PTPRK: variants seen among roughly 807,000 people sequenced by gnomAD.
The protein encoded by PTPRK is protein tyrosine phosphatase receptor type K.
In PTPRK, 75 loss-of-function variants were observed where a neutral mutation model predicts 178.0. That is an observed-to-expected ratio of 0.42 (90% CI 0.35 to 0.51). PTPRK has a LOEUF of 0.51. Among genes scored for constraint, PTPRK ranks in the 20% least tolerant of loss-of-function variants. The pLI is 0.02. For synonymous variants in PTPRK, 637 were observed against 620.6 expected, an observed-to-expected ratio of 1.03 and a Z score of -0.39; for missense variants, 1,441 against 1,797.8, an observed-to-expected ratio of 0.80 and a Z score of 3.59.
At chr6:128,259,425 A>G (rs535526985) in intron 3 of PTPRK, among the ~76,000 whole-genome samples, 1 of 152,308 alleles carries the variant, frequency 6.6e-6, no homozygotes, top group Admixed American at 6.5e-5. Context: ...AACATTATGT[A>G]TTATGATTCC....
chr6:128,048,177 C>T (rs1438960260), intron 13 of PTPRK, among the ~76,000 whole-genome samples: 3 of 152,110 alleles, frequency 2.0e-5, no homozygotes, highest in African/African-American at 7.2e-5. Context: ...TTGCTTAGAC[C>T]AGTTGTTGAC....
At chr6:128,458,672 G>A (rs1848678194) in intron 1 of PTPRK, among the ~76,000 whole-genome samples, 1 of 152,156 alleles carries the variant, frequency 6.6e-6, no homozygotes, top group Non-Finnish European at 1.5e-5. Flanking sequence ...ACTACACAAT[G>A]TATATATGAA....
chr6:128,298,749 C>A, intron 3 of PTPRK, among the ~76,000 whole-genome samples: 1 of 151,990 alleles, frequency 6.6e-6, no homozygotes, highest in Non-Finnish European at 1.5e-5. Context: ...TATGACAAAC[C>A]CACAGCCAAT....
chr6:128,297,237 G>C (rs1423729697), intron 3 of PTPRK, among the ~76,000 whole-genome samples: 2 of 152,010 alleles, frequency 1.3e-5, no homozygotes, highest in Non-Finnish European at 2.9e-5. Context: ...AGTCCTGAGT[G>C]ACCTACAAAG....
At chr6:128,043,354 C>T (rs1777505242) in intron 13 of PTPRK, among the ~76,000 whole-genome samples, 1 of 152,040 alleles carries the variant, frequency 6.6e-6, no homozygotes, top group Non-Finnish European at 1.5e-5. Flanking sequence ...ACTGTCTGTA[C>T]TGCCTCAGAA....
chr6:127,998,729 C>A lies in PTPRK; in HGVS notation c.2670G>T (p.Glu890Asp). The A allele has an allele frequency of 6.4e-7, 1 of 1,572,674 alleles. No individual in the cohort carries two copies. The highest frequency in any genetic ancestry group is 1.2e-5 in the South Asian group (1 of 86,098). ...ATCAAAACTTATTCACCTCATATTC[C>A]TCTTTGAACCCATAGCTGTCTGATG... Reference protein sequence around the residue: ...MKTSDSYGFKEEYESFFEGQS... With the variant: ...MKTSDSYGFKDEYESFFEGQS... Residue 890 changes from glutamate to aspartate, a missense_variant, in exon 16 of 30, where the codon GAG becomes GAT. Coordinates refer to ENST00000368226, the MANE Select transcript of PTPRK (RefSeq NM_002844.4).
intron 1 of PTPRK, chr6:128,491,875 T>G (rs538020992): frequency 2.0e-6 from 1 of 491,956 alleles, no homozygotes; most frequent in South Asian, 1.5e-5. Flanking sequence ...GCTTGGTAAC[T>G]AACAGGCTAA....
At chr6:128,162,126 C>T (rs1454895324) in intron 7 of PTPRK, among the ~76,000 whole-genome samples, 1 of 151,592 alleles carries the variant, frequency 6.6e-6, no homozygotes, top group Non-Finnish European at 1.5e-5. Flanking sequence ...TACCATTATA[C>T]AACCTAATGA....
rs748854407 is a variant in PTPRK at position 127,981,223 on chromosome 6, G to A, written c.3604C>T (p.His1202Tyr). 1.1e-5 allele frequency: 18 copies of A among 1,613,744 alleles called. No individual in the cohort carries two copies. The highest frequency in any genetic ancestry group is 1.7e-5 in the Admixed American group (1 of 59,984). The change falls in exon 25 of 30, where the codon CAT becomes TAT. Residue 1202 changes from histidine to tyrosine, a missense_variant. His to Tyr is a moderately conservative substitution (Grantham distance 83, BLOSUM62 2). Coordinates refer to ENST00000368226, the MANE Select transcript of PTPRK (RefSeq NM_002844.4). ...ATGTCCATGAAACGGTTCTTGTCATGGTTCCTTGGCAGGCACGCTATACTG... is the reference window on the plus strand; with the variant it reads ...ATGTCCATGAAACGGTTCTTGTCATAGTTCCTTGGCAGGCACGCTATACTG... ...DCSIACLPRN[H>Y]DKNRFMDMLP...
chr6:128,109,845 G>GA (rs1482562781), intron 7 of PTPRK, among the ~76,000 whole-genome samples: 5 of 152,050 alleles, frequency 3.3e-5, no homozygotes, highest in African/African-American at 9.7e-5. Flanking sequence ...GAGAAAGGAT[G>GA]AAAAAACAGA....
Position 128,275,137 on chromosome 6 carries a change from G to A in PTPRK, c.496-32535C>T, listed in dbSNP as rs114001590. ...ATTTTAATCATAACATAACACTTAT[G>A]ATATAGGTATCATCCCTATTTTACA... is the stretch of plus-strand genomic sequence containing the variant. On this transcript the variant is annotated intron_variant, in intron 3 of 29. Coordinates refer to ENST00000368226, the MANE Select transcript of PTPRK (RefSeq NM_002844.4). 6.3e-3 allele frequency among the ~76,000 whole-genome samples: 953 copies of A among 152,038 alleles called. 11 individuals carry two copies. The highest frequency in any genetic ancestry group is 0.022 in the African/African-American group (902 of 41,522).
At chr6:128,127,910 A>T (rs904622828) in intron 7 of PTPRK, among the ~76,000 whole-genome samples, 1 of 152,158 alleles carries the variant, frequency 6.6e-6, no homozygotes, top group Non-Finnish European at 1.5e-5. Context: ...CAGCTTACTA[A>T]GAGACTGTCC....
chr6:128,133,744 G>T (rs1794604301), intron 7 of PTPRK, among the ~76,000 whole-genome samples: 1 of 150,974 alleles, frequency 6.6e-6, no homozygotes, highest in African/African-American at 2.4e-5. Context: ...CCTGAGACAG[G>T]GTCTCGCTAT....
intron 3 of PTPRK, among the ~76,000 whole-genome samples, chr6:128,248,444 G>T (rs950659972): frequency 6.6e-6 from 1 of 152,056 alleles, no homozygotes; most frequent in African/African-American, 2.4e-5. Flanking sequence ...GGAAGATGAG[G>T]CTACAATGAG....
At chr6:128,200,063 A>G (rs1805638196) in intron 6 of PTPRK, among the ~76,000 whole-genome samples, 1 of 152,184 alleles carries the variant, frequency 6.6e-6, no homozygotes, top group African/African-American at 2.4e-5. Flanking sequence ...TTCTAACTAC[A>G]AGTTCTTCAG....
chr6:128,151,712 T>C (rs1361624086), intron 7 of PTPRK, among the ~76,000 whole-genome samples: 2 of 151,930 alleles, frequency 1.3e-5, no homozygotes, highest in Non-Finnish European at 2.9e-5. Context: ...CTTAGGAAAA[T>C]TAGATTTAAC....
chr6:127,989,825 T>C (rs80115002), intron 21 of PTPRK, among the ~76,000 whole-genome samples: 13,963 of 151,972 alleles, frequency 0.092, 731 homozygotes, highest in Middle Eastern at 0.12. Flanking sequence ...TTTTTTTTTT[T>C]TTCTTCTACT....
chr6:128,517,144 TG>T (rs1360298229), intron 1 of PTPRK, among the ~76,000 whole-genome samples: 4 of 151,896 alleles, frequency 2.6e-5, no homozygotes, highest in Non-Finnish European at 5.9e-5. Flanking sequence ...CTGCACTTAC[TG>T]GAGAGAGAAT....
intron 4 of PTPRK, among the ~76,000 whole-genome samples, chr6:128,240,580 C>A (rs910291587): frequency 6.6e-6 from 1 of 152,070 alleles, no homozygotes; most frequent in Non-Finnish European, 1.5e-5. Flanking sequence ...GGCAGTGACA[C>A]GGCCATTGAA....
Sources: gnomAD v4.1 joint callset for allele counts (sites outside exome capture counted in the v4.1 genomes callset) on GRCh38, gnomAD v4.1.1 for gene constraint, MANE v1.5 for transcripts, NCBI Gene and HGNC (gene_info 2026-07-23, HGNC 2026-07-21) for gene names.